TGFBR3: variants seen among roughly 807,000 people sequenced by gnomAD.
TGFBR3 encodes the protein transforming growth factor beta receptor 3.
TGFBR3 carries 46 observed loss-of-function variants against 87.9 expected under a neutral mutation model. The ratio of observed to expected loss-of-function variants is 0.52; its 90% CI spans 0.41 to 0.67. The LOEUF is 0.67. TGFBR3 is among the 30% of genes least tolerant of loss of function. The pLI is 0.00. For synonymous variants in TGFBR3, 381 were observed against 391.6 expected, an observed-to-expected ratio of 0.97 and a Z score of 0.32; for missense variants, 866 against 1,041.9, an observed-to-expected ratio of 0.83 and a Z score of 2.32.
At chr1:91,884,684 T>A (rs962584149) in intron 1 of TGFBR3, among the ~76,000 whole-genome samples, 1 of 152,232 alleles carries the variant, frequency 6.6e-6, no homozygotes, top group Non-Finnish European at 1.5e-5. Context: ...GGGTTATTAA[T>A]AGTGCTTTTC....
At chr1:91,714,125 G>A (rs368584637) in intron 12 of TGFBR3, among the ~76,000 whole-genome samples, 3 of 151,652 alleles carry the variant, frequency 2.0e-5, no homozygotes, top group East Asian at 1.9e-4. Context: ...GTAGTGAGAC[G>A]AGCTCATAAA....
Position 91,886,078 on chromosome 1 carries a change from G to T in TGFBR3, c.-314C>A, listed in dbSNP as rs1237321142. 1 of 453,970 alleles carries T rather than the reference G, an allele frequency of 2.2e-6. No individual in the cohort carries two copies. The highest frequency in any genetic ancestry group is 4.4e-6 in the Non-Finnish European group (1 of 226,786). 28.1% of individuals were successfully genotyped at this position (453,970 alleles called of 1,614,324 possible). ...CGCGCAGGGAAAGTGGCCGGGGCGCGAGAGCCGCCGACTGCCCTCCTTCAC... is the reference window on the plus strand; with the variant it reads ...CGCGCAGGGAAAGTGGCCGGGGCGCTAGAGCCGCCGACTGCCCTCCTTCAC... On this transcript the variant is annotated 5_prime_UTR_variant, in exon 1 of 17. Transcript: ENST00000212355.
In TGFBR3 at chr1:91,766,593, G is replaced by A. The variant is rs1423039331; in HGVS notation, c.247-7843C>T. ...CTGGAGTAATCATTCCACCTGCTAC[G>A]TGCAGTCAGAGATTGAAGCTGTCCT... On this transcript the variant is annotated intron_variant, in intron 3 of 16. Coordinates refer to ENST00000212355, the MANE Select transcript of TGFBR3 (RefSeq NM_003243.5). 1.2e-4 allele frequency among the ~76,000 whole-genome samples: 10 copies of A among 80,590 alleles called. 3 individuals are homozygous for A. The highest frequency in any genetic ancestry group is 4.8e-4 in the African/African-American group (10 of 21,040). The allele number at this position is 80,590 out of a possible 152,430, so 52.9% of individuals were successfully genotyped here. A position where few individuals can be genotyped will look rare whatever the true frequency, so the allele number is the denominator to read the frequency against.
At chr1:91,840,617 T>C (rs918773738) in intron 2 of TGFBR3, among the ~76,000 whole-genome samples, 7 of 152,162 alleles carry the variant, frequency 4.6e-5, no homozygotes, top group Admixed American at 3.3e-4. Context: ...TATTTCATTA[T>C]ATAATATTTT....
chr1:91,897,887 A>G (rs1409095697), intron 2 of TGFBR3, among the ~76,000 whole-genome samples: 2 of 152,130 alleles, frequency 1.3e-5, no homozygotes, highest in Admixed American at 6.6e-5. Flanking sequence ...TGTCTTTCCT[A>G]TAAGAAATAA....
intron 3 of TGFBR3, among the ~76,000 whole-genome samples, chr1:91,782,146 C>T (rs555290316): frequency 5.3e-5 from 8 of 152,116 alleles, no homozygotes; most frequent in East Asian, 3.9e-4. Flanking sequence ...AAAGCCCTCA[C>T]GGGGATGCTG....
At chr1:91,814,295 C>T (rs1265498878) in intron 2 of TGFBR3, among the ~76,000 whole-genome samples, 2 of 152,116 alleles carry the variant, frequency 1.3e-5, no homozygotes, top group African/African-American at 4.8e-5. Context: ...CAAGAAGGTT[C>T]GCTTCCTAAG....
At chr1:91,809,856 C>T (rs1675968999) in intron 2 of TGFBR3, among the ~76,000 whole-genome samples, 1 of 152,152 alleles carries the variant, frequency 6.6e-6, no homozygotes, top group Non-Finnish European at 1.5e-5. Flanking sequence ...AAATTATGAA[C>T]ACCTGGTCAC....
Position 91,719,907 on chromosome 1 carries a change from T to C in TGFBR3, c.1399A>G (p.Lys467Glu), listed in dbSNP as rs1557675167. The change falls in exon 9 of 17, where the codon AAA becomes GAA. Residue 467 changes from lysine (K) to glutamate (E), a missense_variant. Coordinates refer to ENST00000212355, the MANE Select transcript of TGFBR3 (RefSeq NM_003243.5). ...GCTGCACCGACCTGAAAAGAATCTT[T>C]TTCTACAGCCACGATCATCTTCTCA... ...DNEKMIVAVEKDSFQASGYSG... is the reference protein window; with the variant it reads ...DNEKMIVAVEEDSFQASGYSG... The C allele has an allele frequency of 3.1e-6, 5 of 1,614,198 alleles. No homozygotes were observed. Among genetic ancestry groups the C allele is most frequent in the Non-Finnish European group, 3.4e-6 (4 of 1,180,032 alleles).
chr1:91,680,641 C>A lies in TGFBR3; in HGVS notation c.*3098G>T, dbSNP rs906414274. ...AAACATCTGTCAGTTTCATGAACAA[C>A]CCCCAGATAAAACAAACATGAAAAA... is the stretch of plus-strand genomic sequence containing the variant. On this transcript the variant is annotated 3_prime_UTR_variant, in exon 17 of 17. Coordinates refer to ENST00000212355, the MANE Select transcript of TGFBR3 (RefSeq NM_003243.5). 1 of 453,846 alleles carries A rather than the reference C, an allele frequency of 2.2e-6. No homozygotes were observed. Among genetic ancestry groups the A allele is most frequent in the African/African-American group, 2.0e-5 (1 of 49,940 alleles). 28.1% of individuals were successfully genotyped at this position (453,846 alleles called of 1,614,324 possible).
At chr1:91,893,308 CAG>C (rs1679485746) in intron 2 of TGFBR3, among the ~76,000 whole-genome samples, 1 of 150,584 alleles carries the variant, frequency 6.6e-6, no homozygotes, top group African/African-American at 2.4e-5. Flanking sequence ...TTTTTTGAGA[CAG>C]AGTTTTGCTC....
At chr1:91,700,701 A>C (rs1175708858) in intron 14 of TGFBR3, among the ~76,000 whole-genome samples, 1 of 152,250 alleles carries the variant, frequency 6.6e-6, no homozygotes. Flanking sequence ...TACAGAATGC[A>C]CTACCCTGGG....
rs566999550 is a variant in TGFBR3, at chr1:91,776,389, C to T, written c.247-17639G>A. 3.3e-5 allele frequency among the ~76,000 whole-genome samples: 5 copies of T among 152,250 alleles called. No individual in the cohort carries two copies. The East Asian group carries it at 9.6e-4, about 29-fold the overall frequency. On this transcript the variant is annotated intron_variant, in intron 3 of 16. Coordinates refer to ENST00000212355, the MANE Select transcript of TGFBR3 (RefSeq NM_003243.5). The stretch of plus-strand genomic sequence containing the variant: ...TAAATGCCTAAGCCTTGGGAAAGCC[C>T]ACCTTGCCCAGAGCCACTCAGAGTG...
chr1:91,710,133 G>T (rs1022301994), intron 13 of TGFBR3, among the ~76,000 whole-genome samples: 1 of 152,108 alleles, frequency 6.6e-6, no homozygotes, highest in Non-Finnish European at 1.5e-5. Context: ...TCTATAGCAG[G>T]CATCCCAAAA....
chr1:91,740,920 T>C (rs938864456), intron 4 of TGFBR3, among the ~76,000 whole-genome samples: 2 of 152,174 alleles, frequency 1.3e-5, no homozygotes, highest in Non-Finnish European at 2.9e-5. Flanking sequence ...AGGGTTGCAA[T>C]CATCACTGCA....
intron 14 of TGFBR3, among the ~76,000 whole-genome samples, chr1:91,699,183 G>A (rs1396105576): frequency 2.0e-5 from 3 of 152,122 alleles, no homozygotes; most frequent in Middle Eastern, 6.8e-3. Flanking sequence ...CCCATACTTA[G>A]TAATTTAAGC....
chr1:91,788,364 G>A (rs888447439), intron 3 of TGFBR3, among the ~76,000 whole-genome samples: 5 of 152,136 alleles, frequency 3.3e-5, no homozygotes, highest in Admixed American at 6.5e-5. Flanking sequence ...AAAGAAGGAC[G>A]TACAGATGTT....
intron 1 of TGFBR3, among the ~76,000 whole-genome samples, chr1:91,883,635 T>C (rs1377659244): frequency 6.6e-6 from 1 of 152,158 alleles, no homozygotes; most frequent in Non-Finnish European, 1.5e-5. Context: ...GCCTTTGAAG[T>C]GCTGGGATTC....
At chr1:91,807,241 C>T (rs989656750) in intron 2 of TGFBR3, among the ~76,000 whole-genome samples, 3 of 152,210 alleles carry the variant, frequency 2.0e-5, no homozygotes, top group East Asian at 1.9e-4. Context: ...TGGCTTCAGG[C>T]TGAAGCTTAT....
Sources: allele counts gnomAD v4.1 joint callset (sites outside exome capture counted in the v4.1 genomes callset), GRCh38; gene constraint gnomAD v4.1.1; transcripts MANE v1.5; gene names NCBI Gene and HGNC (gene_info 2026-07-23, HGNC 2026-07-21).